Variants in KLHL1 observed in about 807,000 individuals in gnomAD.
KLHL1 encodes kelch like family member 1.
Under a neutral mutation model 77.7 loss-of-function variants are expected in KLHL1, and 47 were observed. That is an observed-to-expected ratio of 0.60 (90% CI 0.48 to 0.77). The LOEUF is 0.77. KLHL1 is among the 30% of genes least tolerant of loss of function. KLHL1 has a pLI of 0.00. For missense variants in KLHL1, 925 were observed against 910.8 expected (o/e 1.02, Z -0.20); for synonymous variants, 360 against 325.2 (o/e 1.11, Z -1.15).
intron 1 of KLHL1, among the ~76,000 whole-genome samples, chr13:70,057,469 CAAAAAAAAAA>C (rs56235725): frequency 2.3e-5 from 2 of 87,110 alleles, no homozygotes; most frequent in South Asian, 4.5e-4. Flanking sequence ...AAAGACACAT[CAAAAAAAAAA>C]AAAAAAAAAA....
rs1885368516 is a variant in KLHL1 at position 70,004,750 on chromosome 13, CT to C, written c.498-28949del. On this transcript the variant is annotated intron_variant, in intron 1 of 10. Coordinates refer to ENST00000377844, the MANE Select transcript of KLHL1 (RefSeq NM_020866.3). ...TTACATTTTTATTACACCCAAATAACTTTATTATATGAAATTGAATGTCATT... is the reference window on the plus strand; with the variant it reads ...TTACATTTTTATTACACCCAAATAACTTATTATATGAAATTGAATGTCATT... 2.6e-5 allele frequency among the ~76,000 whole-genome samples: 4 copies of C among 151,790 alleles called. No individual in the cohort carries two copies. The East Asian group carries it at 7.7e-4, about 29-fold the overall frequency.
chr13:69,964,348 G>A (rs1165574713), intron 2 of KLHL1, among the ~76,000 whole-genome samples: 2 of 152,044 alleles, frequency 1.3e-5, no homozygotes, highest in African/African-American at 4.8e-5. Context: ...AGACCATCTT[G>A]TTTGTTATAG....
chr13:70,057,523 TC>T lies in KLHL1; in HGVS notation c.497+49679del, dbSNP rs570932558. Among the ~76,000 whole-genome samples, 439 of 131,674 alleles carry T rather than the reference TC, an allele frequency of 3.3e-3. 3 individuals carry two copies. Among genetic ancestry groups the T allele is most frequent in the African/African-American group, 0.011 (404 of 35,812 alleles). 86.4% of individuals were successfully genotyped at this position (131,674 alleles called of 152,430 possible). On this transcript the variant is annotated intron_variant, in intron 1 of 10. Transcript: ENST00000377844. The stretch of plus-strand genomic sequence containing the variant: ...CGGGCGCGGTGGCTCACGCCTGTAA[TC>T]CCAGCACTTTGGGAGGCCGAGGCGG...
At chr13:70,098,550 G>C (rs1341191055) in intron 1 of KLHL1, among the ~76,000 whole-genome samples, 1 of 151,730 alleles carries the variant, frequency 6.6e-6, no homozygotes, top group Non-Finnish European at 1.5e-5. Flanking sequence ...TATTTGAAAA[G>C]TTGAGGATTA....
At chr13:70,088,480 G>A (rs1222501664) in intron 1 of KLHL1, among the ~76,000 whole-genome samples, 1 of 152,140 alleles carries the variant, frequency 6.6e-6, no homozygotes, top group East Asian at 1.9e-4. Context: ...AGGAGTTCAA[G>A]ACCAACCTGC....
At chr13:69,917,659 T>G (rs1337603678) in intron 4 of KLHL1, among the ~76,000 whole-genome samples, 1 of 152,120 alleles carries the variant, frequency 6.6e-6, no homozygotes, top group Non-Finnish European at 1.5e-5. Context: ...CACATGCAAA[T>G]GTACACAGTC....
At chr13:69,760,506 C>T (rs1874971180) in intron 7 of KLHL1, among the ~76,000 whole-genome samples, 1 of 152,002 alleles carries the variant, frequency 6.6e-6, no homozygotes, top group South Asian at 2.1e-4. Context: ...CAGGCATGTA[C>T]CACCACACCC....
chr13:69,877,959 C>T (rs1355974144), intron 5 of KLHL1, among the ~76,000 whole-genome samples: 1 of 152,130 alleles, frequency 6.6e-6, no homozygotes, highest in East Asian at 1.9e-4. Context: ...AATGGGCCTA[C>T]TAATAAAACA....
intron 1 of KLHL1, among the ~76,000 whole-genome samples, chr13:70,091,002 T>C (rs746555523): frequency 2.6e-5 from 4 of 152,112 alleles, no homozygotes; most frequent in Non-Finnish European, 5.9e-5. Context: ...TGTCATCAGA[T>C]CACCTTTTAT....
In KLHL1 at chr13:70,108,041, A is replaced by G. The variant is rs1888120296; in HGVS notation, c.-342T>C. 3.5e-5 allele frequency: 15 copies of G among 425,686 alleles called. No individual in the cohort carries two copies. The East Asian group carries it at 5.1e-4, about 15-fold the overall frequency. 26.4% of individuals were successfully genotyped at this position (425,686 alleles called of 1,614,324 possible). On this transcript the variant is annotated 5_prime_UTR_variant, in exon 1 of 11. Coordinates refer to ENST00000377844, the MANE Select transcript of KLHL1 (RefSeq NM_020866.3). ...CGAGGTGGGACAACCCTTAGGCTGG[A>G]GATGCGCGAGGGAGGGAGGTCTGAG... is the stretch of plus-strand genomic sequence containing the variant.
chr13:70,085,800 G>T (rs1238501996), intron 1 of KLHL1, among the ~76,000 whole-genome samples: 2 of 152,194 alleles, frequency 1.3e-5, no homozygotes, highest in South Asian at 4.2e-4. Context: ...GGAGGCAGAG[G>T]TTGCAGTGAG....
intron 7 of KLHL1, among the ~76,000 whole-genome samples, chr13:69,771,653 TC>T (rs1758742960): frequency 6.6e-6 from 1 of 152,200 alleles, no homozygotes; most frequent in African/African-American, 2.4e-5. Context: ...TATTCTTTTT[TC>T]CTTTACTGCC....
intron 6 of KLHL1, among the ~76,000 whole-genome samples, chr13:69,837,659 T>TACAC (rs1566309089): frequency 7.5e-6 from 1 of 132,786 alleles, no homozygotes; most frequent in African/African-American, 3.1e-5. Context: ...TATATATATG[T>TACAC]GTGTGTGTGT....
At chr13:70,070,362 G>A (rs1276472889) in intron 1 of KLHL1, among the ~76,000 whole-genome samples, 1 of 151,874 alleles carries the variant, frequency 6.6e-6, no homozygotes, top group African/African-American at 2.4e-5. Context: ...CCAGGAAGAA[G>A]GGGGAAGCAT....
At chr13:70,012,142 T>C (rs536785319) in intron 1 of KLHL1, among the ~76,000 whole-genome samples, 2 of 152,278 alleles carry the variant, frequency 1.3e-5, no homozygotes, top group South Asian at 2.1e-4. Context: ...AAATTAAAGA[T>C]GAGATTTGGG....
rs753780468 is a variant in KLHL1, at chr13:69,721,062, G to GATATATATATATATATAT, written c.1803-1482_1803-1481insATATATATATATATATAT. On this transcript the variant is annotated intron_variant, in intron 8 of 10. Coordinates refer to ENST00000377844, the MANE Select transcript of KLHL1 (RefSeq NM_020866.3). ...TATTCCTAGAAAAGATAGCTACTAA[G>GATATATATATATATATAT]ATATATATATATATATAAAGCTATG... is the stretch of plus-strand genomic sequence containing the variant. Among the ~76,000 whole-genome samples, 13 of 20,654 alleles carry GATATATATATATATATAT rather than the reference G, an allele frequency of 6.3e-4. 6 individuals are homozygous for GATATATATATATATATAT. Among genetic ancestry groups the GATATATATATATATATAT allele is most frequent in the Non-Finnish European group, 2.0e-3 (13 of 6,506 alleles). The allele number at this position is 20,654 out of a possible 152,430, so 13.5% of individuals were successfully genotyped here.
intron 2 of KLHL1, among the ~76,000 whole-genome samples, chr13:69,973,640 C>A (rs986516721): frequency 2.0e-5 from 3 of 151,698 alleles, no homozygotes; most frequent in Admixed American, 6.6e-5. Flanking sequence ...GCTAGTTTTG[C>A]GTTAATTACA....
intron 4 of KLHL1, among the ~76,000 whole-genome samples, chr13:69,908,780 A>G (rs1322180176): frequency 4.6e-5 from 7 of 151,492 alleles, no homozygotes; most frequent in African/African-American, 1.7e-4. Flanking sequence ...GAACAGAATA[A>G]TAAATTCCTT....
intron 1 of KLHL1, among the ~76,000 whole-genome samples, chr13:70,000,968 C>G (rs1458997837): frequency 6.7e-6 from 1 of 148,570 alleles, no homozygotes; most frequent in African/African-American, 2.5e-5. Context: ...TTAATAAGAT[C>G]AATGATGACA....
Sources: gnomAD v4.1 joint callset for allele counts (sites outside exome capture counted in the v4.1 genomes callset) on GRCh38, gnomAD v4.1.1 for gene constraint, MANE v1.5 for transcripts, NCBI Gene and HGNC (gene_info 2026-07-23, HGNC 2026-07-21) for gene names.